AGAP1: variants seen among roughly 807,000 people sequenced by gnomAD.
The protein encoded by AGAP1 is ArfGAP with GTPase domain, ankyrin repeat and PH domain 1.
A neutral mutation model predicts 105.3 loss-of-function variants in AGAP1; 29 were observed. The observed-to-expected ratio is 0.28, with a 90% CI of 0.21 to 0.38. The LOEUF is 0.38. AGAP1 is among the 10% of genes least tolerant of loss of function. The pLI is 1.00. For missense variants in AGAP1, 998 were observed against 1,165.1 expected (o/e 0.86, Z 2.09); for synonymous variants, 509 against 485.9 (o/e 1.05, Z -0.63).
At position 235,599,122 on chromosome 2, in the gene AGAP1, A is replaced by G. The variant is rs1003442658; in HGVS notation, c.163+104273A>G. On this transcript the variant is annotated intron_variant, in intron 1 of 17. Transcript: ENST00000304032. The surrounding 1 kb of genome is among the most constrained non-coding windows in gnomAD (Gnocchi z 5.3). The stretch of plus-strand genomic sequence containing the variant: ...TAAGTCCATTTGAGATGCTGCTTCT[A>G]TTTTTCCTTGTGGAGAACTTACTTG... Among the ~76,000 whole-genome samples, 4 of 152,200 alleles carry G rather than the reference A, an allele frequency of 2.6e-5. No homozygotes were observed. Among genetic ancestry groups the G allele is most frequent in the East Asian group, 1.9e-4 (1 of 5,158 alleles).
rs1290243716 is a variant in AGAP1 at position 235,582,215 on chromosome 2, A to C, written c.163+87366A>C. 1.3e-5 allele frequency among the ~76,000 whole-genome samples: 2 copies of C among 152,152 alleles called. No homozygotes were observed. Among genetic ancestry groups the C allele is most frequent in the Non-Finnish European group, 2.9e-5 (2 of 68,024 alleles). On this transcript the variant is annotated intron_variant, in intron 1 of 17. Transcript: ENST00000304032. The surrounding 1 kb of genome is among the most constrained non-coding windows in gnomAD (Gnocchi z 4.7). ...GAGCGCATGATTGTGGTTTTGACCCATTCTTGCCCCAGCTTGAGCCTGACC... is the reference window on the plus strand; with the variant it reads ...GAGCGCATGATTGTGGTTTTGACCCCTTCTTGCCCCAGCTTGAGCCTGACC...
intron 1 of AGAP1, among the ~76,000 whole-genome samples, chr2:235,661,755 C>T (rs1038163847): frequency 1.3e-5 from 2 of 152,114 alleles, no homozygotes; most frequent in African/African-American, 4.8e-5. Flanking sequence ...CGTACAGATC[C>T]GCCTTTGGGG....
At chr2:235,654,621 G>A (rs754391449) in intron 1 of AGAP1, among the ~76,000 whole-genome samples, 10 of 152,224 alleles carry the variant, frequency 6.6e-5, no homozygotes, top group Non-Finnish European at 1.3e-4. Flanking sequence ...TCAAGACGGT[G>A]ACACATTTAA....
chr2:235,817,022 T>C (rs1331707615), intron 9 of AGAP1, among the ~76,000 whole-genome samples: 1 of 152,210 alleles, frequency 6.6e-6, no homozygotes, highest in Non-Finnish European at 1.5e-5. Flanking sequence ...GAACTTGGAC[T>C]GTGGAATAGG....
chr2:235,748,447 A>T (rs1456552766), intron 5 of AGAP1, among the ~76,000 whole-genome samples: 3 of 152,240 alleles, frequency 2.0e-5, no homozygotes, highest in East Asian at 3.8e-4. Context: ...CTTTTCTTAA[A>T]TGTTGTGAAA....
chr2:235,573,411 G>A (rs1003883151), intron 1 of AGAP1, among the ~76,000 whole-genome samples: 5 of 151,988 alleles, frequency 3.3e-5, no homozygotes, highest in African/African-American at 9.7e-5. Flanking sequence ...TTACCCACAC[G>A]TACTTACATT....
intron 9 of AGAP1, among the ~76,000 whole-genome samples, chr2:235,816,318 G>C (rs1958449579): frequency 1.3e-5 from 2 of 151,652 alleles, no homozygotes; most frequent in Admixed American, 1.3e-4. Context: ...GGTGCCTGTA[G>C]TCCCAGCTAC....
chr2:235,771,102 C>A (rs1279659539), intron 6 of AGAP1, among the ~76,000 whole-genome samples: 1 of 152,214 alleles, frequency 6.6e-6, no homozygotes, highest in Non-Finnish European at 1.5e-5. Flanking sequence ...CAGATAACTG[C>A]TCACCTGTAG....
chr2:235,948,935 T>C (rs2053613997), intron 12 of AGAP1, among the ~76,000 whole-genome samples: 1 of 152,260 alleles, frequency 6.6e-6, no homozygotes, highest in East Asian at 1.9e-4. Context: ...TCCAGTGTTA[T>C]CTGGAATTAT....
chr2:236,120,033 G>A lies in AGAP1; in HGVS notation c.2115-159G>A, dbSNP rs2059862082. Among the ~76,000 whole-genome samples the A allele has an allele frequency of 6.6e-6, 1 of 152,180 alleles. No homozygotes were observed. ...GGTGAGGATACTGTTTTGTGAAGGT[G>A]GATAAACGTTTCCCCCAGGGGGCTT... On this transcript the variant is annotated intron_variant, in intron 16 of 17. Coordinates refer to ENST00000304032, the MANE Select transcript of AGAP1 (RefSeq NM_001037131.3). This position sits in a 1 kb window ranked among gnomAD's most constrained non-coding sequence, Gnocchi z 6.0.
Position 236,080,464 on chromosome 2 carries a change from C to T in AGAP1, c.2114+31183C>T, listed in dbSNP as rs761994831. ...TCCCAGGCCAAGGGAAGAGTTGTTA[C>T]GGAGACTCTATGGCCAAGAGGGACA... On this transcript the variant is annotated intron_variant, in intron 16 of 17. Coordinates refer to ENST00000304032, the MANE Select transcript of AGAP1 (RefSeq NM_001037131.3). The surrounding 1 kb of genome is among the most constrained non-coding windows in gnomAD (Gnocchi z 4.2). Among the ~76,000 whole-genome samples the T allele has an allele frequency of 1.3e-5, 2 of 152,144 alleles. No individual in the cohort carries two copies. Among genetic ancestry groups the T allele is most frequent in the Admixed American group, 1.3e-4 (2 of 15,272 alleles).
At position 235,552,561 on chromosome 2, in the gene AGAP1, C is replaced by G. The variant is rs139544133; in HGVS notation, c.163+57712C>G. Among the ~76,000 whole-genome samples, 1 of 152,112 alleles carries G rather than the reference C, an allele frequency of 6.6e-6. No homozygotes were observed. Among genetic ancestry groups the G allele is most frequent in the Admixed American group, 6.5e-5 (1 of 15,270 alleles). On this transcript the variant is annotated intron_variant, in intron 1 of 17. Transcript: ENST00000304032. This position sits in a 1 kb window ranked among gnomAD's most constrained non-coding sequence, Gnocchi z 5.9. ...ATTCAGTTGCCCTCATGAGCTCACC[C>G]GCAATGTGTGTAGGGGGATGCTGCT...
At chr2:235,616,250 A>G (rs1946303741) in intron 1 of AGAP1, among the ~76,000 whole-genome samples, 4 of 152,022 alleles carry the variant, frequency 2.6e-5, no homozygotes, top group African/African-American at 9.7e-5. Context: ...AGTCCCAGCT[A>G]CTGGGGAGGC....
At chr2:236,097,269 C>T (rs2059213503) in intron 16 of AGAP1, among the ~76,000 whole-genome samples, 2 of 150,536 alleles carry the variant, frequency 1.3e-5, no homozygotes, top group African/African-American at 4.9e-5. Context: ...TGTGGGCTTG[C>T]AACTTGAGAG....
chr2:235,961,099 C>T lies in AGAP1; in HGVS notation c.1484-7363C>T, dbSNP rs959316358. On this transcript the variant is annotated intron_variant, in intron 12 of 17. Transcript: ENST00000304032. This position sits in a 1 kb window ranked among gnomAD's most constrained non-coding sequence, Gnocchi z 5.9. The stretch of plus-strand genomic sequence containing the variant: ...GATGTGTGCTGGTGAAGAGGATGAG[C>T]GAAGGCCTGCCTTCCTGAAGCTCGA... 3.9e-5 allele frequency among the ~76,000 whole-genome samples: 6 copies of T among 152,150 alleles called. No homozygotes were observed. The highest frequency in any genetic ancestry group is 7.2e-5 in the African/African-American group (3 of 41,432).
Position 235,614,504 on chromosome 2 carries a change from C to A in AGAP1, c.164-94675C>A, listed in dbSNP as rs1457274887. ...AGAGAAAAGGCAAGGAGAAACATGG[C>A]GAGGGGTGGGGGCTTTGCTCTTTAG... On this transcript the variant is annotated intron_variant, in intron 1 of 17. Transcript: ENST00000304032. The surrounding 1 kb of genome is among the most constrained non-coding windows in gnomAD (Gnocchi z 4.7). Among the ~76,000 whole-genome samples, 2 of 151,914 alleles carry A rather than the reference C, an allele frequency of 1.3e-5. No homozygotes were observed. Among genetic ancestry groups the A allele is most frequent in the Admixed American group, 1.3e-4 (2 of 15,226 alleles).
rs1957513705 is a variant in AGAP1 at position 235,801,910 on chromosome 2, AC to A, written c.957+2389del. ...ACCACAAAGTATCTTTAAAAATGAG[AC>A]TATTTATAAGGAGAATACCAGCACC... is the stretch of plus-strand genomic sequence containing the variant. On this transcript the variant is annotated intron_variant, in intron 8 of 17. Transcript: ENST00000304032. This position sits in a 1 kb window ranked among gnomAD's most constrained non-coding sequence, Gnocchi z 6.0. 1.3e-5 allele frequency among the ~76,000 whole-genome samples: 2 copies of A among 151,932 alleles called. No individual in the cohort carries two copies. Among genetic ancestry groups the A allele is most frequent in the Admixed American group, 6.5e-5 (1 of 15,272 alleles).
intron 1 of AGAP1, among the ~76,000 whole-genome samples, chr2:235,593,271 T>C (rs926545507): frequency 3.9e-5 from 6 of 152,164 alleles, no homozygotes. Flanking sequence ...AAATAGGCTC[T>C]TCCCTGGAGG....
intron 1 of AGAP1, among the ~76,000 whole-genome samples, chr2:235,652,310 C>G (rs1260142217): frequency 1.3e-5 from 2 of 152,100 alleles, no homozygotes. Flanking sequence ...CACTTTCCAG[C>G]CTTCAGCCAC....
Sources: allele counts gnomAD v4.1 joint callset (sites outside exome capture counted in the v4.1 genomes callset), GRCh38; gene constraint gnomAD v4.1.1; non-coding constraint Gnocchi (gnomAD v3.1); transcripts MANE v1.5; gene names NCBI Gene and HGNC (gene_info 2026-07-23, HGNC 2026-07-21).